The following CAB39L variants were observed in gnomAD, a reference collection of about 807,000 sequenced individuals.
CAB39L encodes the protein calcium binding protein 39 like.
In CAB39L, 23 loss-of-function variants were observed where a neutral mutation model predicts 39.1. The ratio of observed to expected loss-of-function variants is 0.59; its 90% CI spans 0.42 to 0.83. The LOEUF is 0.83. Among genes scored for constraint, CAB39L ranks in the 40% least tolerant of loss-of-function variants. The pLI is 0.00. For missense variants in CAB39L, 366 were observed against 391.9 expected (o/e 0.93, Z 0.56); for synonymous variants, 126 against 137.2 (o/e 0.92, Z 0.57).
intron 8 of CAB39L, among the ~76,000 whole-genome samples, chr13:49,342,724 G>C (rs767804826): frequency 6.6e-6 from 1 of 152,110 alleles, no homozygotes; most frequent in Non-Finnish European, 1.5e-5. Context: ...GTCCAACATA[G>C]GGCCATACGC....
chr13:49,357,338 T>C (rs758184654), intron 6 of CAB39L, among the ~76,000 whole-genome samples: 8 of 152,186 alleles, frequency 5.3e-5, no homozygotes, highest in Non-Finnish European at 1.2e-4. Flanking sequence ...GTAGTCCTCA[T>C]AGTATTGGAA....
At position 49,310,819 on chromosome 13, in the gene CAB39L, G is replaced by C; in HGVS notation, c.1009C>G (p.Pro337Ala). 6.2e-7 allele frequency: 1 copy of C among 1,613,834 alleles called. No individual in the cohort carries two copies. The highest frequency in any genetic ancestry group is 1.7e-4 in the Middle Eastern group (1 of 6,056). The stretch of plus-strand genomic sequence containing the variant: ...GACAGGGGCCGGGGAGCTCTTCAAG[G>C]GGCCGTTTTCTTCAAGTCTCGGATC... Reference protein sequence around the residue: ...KQIRDLKKTAP With the variant: ...KQIRDLKKTAA The change falls in exon 11 of 11, where the codon CCT becomes GCT. Residue 337 changes from proline (P) to alanine (A), a missense_variant. Pro to Ala is a conservative substitution (Grantham distance 27, BLOSUM62 -1). Coordinates refer to ENST00000409308, the MANE Select transcript of CAB39L (RefSeq NM_001079670.3).
chr13:49,418,663 G>C (rs1308117698), intron 3 of CAB39L, among the ~76,000 whole-genome samples: 4 of 152,130 alleles, frequency 2.6e-5, no homozygotes, highest in African/African-American at 9.7e-5. Flanking sequence ...TCCCCTCCTA[G>C]GTTCAAGCGA....
At chr13:49,329,547 ATATATAT>A (rs1954619095) in intron 10 of CAB39L, among the ~76,000 whole-genome samples, 1,846 of 33,012 alleles carry the variant, frequency 0.056, 195 homozygotes, top group Middle Eastern at 0.1. Flanking sequence ...AAAAAAAAAT[ATATATAT>A]ATATATATAT....
chr13:49,311,588 G>A (rs1593883151), intron 10 of CAB39L, among the ~76,000 whole-genome samples: 1 of 152,166 alleles, frequency 6.6e-6, no homozygotes, highest in African/African-American at 2.4e-5. Context: ...AGACTTTCCA[G>A]GGGGACAAGA....
At chr13:49,327,191 T>C (rs1555673) in intron 10 of CAB39L, among the ~76,000 whole-genome samples, 36,551 of 151,942 alleles carry the variant, frequency 0.24, 4,495 homozygotes, top group South Asian at 0.27. Context: ...ATTACAGATA[T>C]AGTTGAAGGC....
intron 3 of CAB39L, among the ~76,000 whole-genome samples, chr13:49,428,163 T>C (rs1422495091): frequency 6.6e-6 from 1 of 152,248 alleles, no homozygotes; most frequent in Non-Finnish European, 1.5e-5. Flanking sequence ...TTAAGATCTA[T>C]TATTTCACAT....
intron 10 of CAB39L, among the ~76,000 whole-genome samples, chr13:49,315,884 C>CAAAAA (rs60700916): frequency 3.3e-5 from 4 of 120,214 alleles, no homozygotes; most frequent in African/African-American, 6.7e-5. Context: ...GTCTCCATCT[C>CAAAAA]AAAAAAAAAA....
chr13:49,331,767 C>T (rs963759563), intron 10 of CAB39L, among the ~76,000 whole-genome samples, 180 bp downstream of exon 10: 5 of 152,068 alleles, frequency 3.3e-5, no homozygotes, highest in Admixed American at 2.6e-4. Context: ...AGTCAGCAAA[C>T]CTTTATGAAT....
rs577742608 is a variant in CAB39L, at chr13:49,356,877, G to A, written c.395+2837C>T. Among the ~76,000 whole-genome samples the A allele has an allele frequency of 1.3e-3, 200 of 151,980 alleles. 1 individual carries two copies. Among genetic ancestry groups the A allele is most frequent in the African/African-American group, 4.5e-3 (187 of 41,460 alleles). ...CATCTGGCTAACATGGTGAAACCTC[G>A]TCTCTACTAAAAATAGAAAAAATTA... On this transcript the variant is annotated intron_variant, in intron 6 of 10. Coordinates refer to ENST00000409308, the MANE Select transcript of CAB39L (RefSeq NM_001079670.3).
intron 10 of CAB39L, among the ~76,000 whole-genome samples, chr13:49,319,964 T>G (rs907396253): frequency 2.0e-5 from 3 of 152,210 alleles, no homozygotes; most frequent in Non-Finnish European, 4.4e-5. Flanking sequence ...ACTGGTTCAA[T>G]TCCACTGAAT....
intron 3 of CAB39L, among the ~76,000 whole-genome samples, chr13:49,385,957 C>T (rs1390181688): frequency 6.6e-6 from 1 of 151,368 alleles, no homozygotes; most frequent in Non-Finnish European, 1.5e-5. Context: ...AAAAATGGCA[C>T]CAATAGACTT....
Position 49,368,853 on chromosome 13 carries a change from G to A in CAB39L, c.276+8114C>T, listed in dbSNP as rs544800128. On this transcript the variant is annotated intron_variant, in intron 5 of 10. Coordinates refer to ENST00000409308, the MANE Select transcript of CAB39L (RefSeq NM_001079670.3). ...AGCAGTCACAGCAACCAGAATGATT[G>A]CTGAAAAAGAGCATCCCTCACAGAT... is the stretch of plus-strand genomic sequence containing the variant. Among the ~76,000 whole-genome samples the A allele has an allele frequency of 2.0e-5, 3 of 152,292 alleles. No homozygotes were observed. The South Asian group carries it at 6.2e-4, about 32-fold the overall frequency.
chr13:49,405,738 G>GAAGGAAGGAAGGAAGGAAGGAAGGAAGT, intron 3 of CAB39L, among the ~76,000 whole-genome samples: 1 of 129,542 alleles, frequency 7.7e-6, no homozygotes, highest in African/African-American at 2.8e-5. Flanking sequence ...AGGAAGGAAG[G>GAAGGAAGGAAGGAAGGAAGGAAGGAAGT]AAGGAAGGAA....
chr13:49,353,134 C>G (rs1415655263), intron 6 of CAB39L, among the ~76,000 whole-genome samples: 1 of 152,144 alleles, frequency 6.6e-6, no homozygotes, highest in Non-Finnish European at 1.5e-5. Context: ...ACATTAAATG[C>G]TGATACATTC....
In CAB39L at chr13:49,440,715, A is replaced by AGTGTGT. The variant is rs56314282; in HGVS notation, c.-246+3265_-246+3270dup. On this transcript the variant is annotated intron_variant, in intron 1 of 10. Coordinates refer to ENST00000409308, the MANE Select transcript of CAB39L (RefSeq NM_001079670.3). ...TCCTTGGTTAGAGGTATTCCTAGGCAGTGTGTGTGTGTGTGTGTGTGTGTG... is the reference window on the plus strand; with the variant it reads ...TCCTTGGTTAGAGGTATTCCTAGGCAGTGTGTGTGTGTGTGTGTGTGTGTGTGTGTG... Among the ~76,000 whole-genome samples the AGTGTGT allele has an allele frequency of 5.0e-3, 682 of 135,526 alleles. 5 individuals are homozygous for AGTGTGT. Among genetic ancestry groups the AGTGTGT allele is most frequent in the African/African-American group, 0.011 (395 of 37,354 alleles). The allele number at this position is 135,526 out of a possible 152,430, so 88.9% of individuals were successfully genotyped here. A position where few individuals can be genotyped will look rare whatever the true frequency, so the allele number is the denominator to read the frequency against.
intron 4 of CAB39L, among the ~76,000 whole-genome samples, chr13:49,380,429 T>C (rs1029387764): frequency 2.6e-5 from 4 of 152,166 alleles, no homozygotes; most frequent in African/African-American, 7.2e-5. Context: ...AAAAACTCAC[T>C]ATATTTTAAA....
At chr13:49,319,830 TA>T (rs61633162) in intron 10 of CAB39L, among the ~76,000 whole-genome samples, 2,162 of 126,090 alleles carry the variant, frequency 0.017, 22 homozygotes, top group African/African-American at 0.028. Context: ...CTTTCTTTCT[TA>T]AAAAAAAAAA....
At chr13:49,327,943 C>T (rs1416792750) in intron 10 of CAB39L, among the ~76,000 whole-genome samples, 1 of 152,154 alleles carries the variant, frequency 6.6e-6, no homozygotes, top group Non-Finnish European at 1.5e-5. Context: ...TTAAGCAAAA[C>T]AACAGATAAG....
Sources: gnomAD v4.1 joint callset for allele counts (sites outside exome capture counted in the v4.1 genomes callset) on GRCh38, gnomAD v4.1.1 for gene constraint, MANE v1.5 for transcripts, NCBI Gene and HGNC (gene_info 2026-07-23, HGNC 2026-07-21) for gene names.